Variants in HVCN1 observed in about 807,000 individuals in gnomAD.
HVCN1 encodes the protein hydrogen voltage gated channel 1, also known as voltage-gated hydrogen channel 1.
A neutral mutation model predicts 29.2 loss-of-function variants in HVCN1; 14 were observed. That is an observed-to-expected ratio of 0.48 (90% confidence interval 0.32 to 0.75). The LOEUF is 0.75. HVCN1 is among the 30% of genes least tolerant of loss of function. The probability of loss-of-function intolerance (pLI) is 0.04; values close to 1 mark genes in which losing one functional copy is unlikely to be tolerated. For synonymous variants in HVCN1, 131 were observed against 133.2 expected, an observed-to-expected ratio of 0.98 and a Z score of 0.11; for missense variants, 263 against 341.8, an observed-to-expected ratio of 0.77 and a Z score of 1.82.
At chr12:110,703,940 C>T (rs1276062086) in intron 1 of HVCN1, among the ~76,000 whole-genome samples, 3 of 152,220 alleles carry the variant, frequency 2.0e-5, no homozygotes, top group African/African-American at 7.2e-5. Context: ...CCACCTCGGC[C>T]TCCCAAAGTA....
chr12:110,704,185 C>T (rs1263243528), intron 1 of HVCN1, among the ~76,000 whole-genome samples: 2 of 152,028 alleles, frequency 1.3e-5, no homozygotes, highest in African/African-American at 2.4e-5. Flanking sequence ...CCTAAAAGTC[C>T]GTCCATGGGG....
At chr12:110,673,321 T>C (rs1197725719) in intron 3 of HVCN1, among the ~76,000 whole-genome samples, 2 of 152,348 alleles carry the variant, frequency 1.3e-5, no homozygotes, top group East Asian at 1.9e-4. Context: ...TTAGGGTATC[T>C]GGCAGAAGAA....
At chr12:110,659,652 C>T (rs1324480537) in intron 4 of HVCN1, among the ~76,000 whole-genome samples, 1 of 152,194 alleles carries the variant, frequency 6.6e-6, no homozygotes, top group Non-Finnish European at 1.5e-5. Context: ...TGTATGGTGG[C>T]TCACGCCTGT....
intron 1 of HVCN1, 28 bp from the exon 2 acceptor site, chr12:110,688,736 C>G (rs1182147384): frequency 6.6e-6 from 1 of 152,400 alleles, no homozygotes; most frequent in Non-Finnish European, 1.5e-5. Flanking sequence ...ACGATGGTCA[C>G]CTGTGGCTGC....
Position 110,661,187 on chromosome 12 carries a change from G to A in HVCN1, c.283C>T (p.Leu95=), listed in dbSNP as rs1227815244. The part of the protein sequence containing the change: ...PLDFRGMLRK[L]FSSHRFQVII... ...ACCTGAAACCTGTGGGAGCTGAACA[G>A]TTTCCTCAACATGCCCCTGAAGTCA... Residue 95 remains leucine, a synonymous_variant, in exon 4 of 8, where the codon CTG becomes TTG. Coordinates refer to ENST00000242607, the MANE Select transcript of HVCN1 (RefSeq NM_032369.4). This position sits in a 1 kb window ranked among gnomAD's most constrained non-coding sequence, Gnocchi z 6.2. The A allele has an allele frequency of 1.9e-6, 3 of 1,610,670 alleles. No individual in the cohort carries two copies. The highest frequency in any genetic ancestry group is 2.5e-6 in the Non-Finnish European group (3 of 1,177,642).
At position 110,658,655 on chromosome 12, in the gene HVCN1, C is replaced by T. The variant is rs1054623889; in HGVS notation, c.306+2509G>A. On this transcript the variant is annotated intron_variant, in intron 4 of 7. Transcript: ENST00000242607. This position sits in a 1 kb window ranked among gnomAD's most constrained non-coding sequence, Gnocchi z 5.0. ...TGATCAGGTCCCCCCACCCCCAGGA[C>T]CTCTCAGAGCCCCCCTCCTCCCTGC... 2.0e-5 allele frequency among the ~76,000 whole-genome samples: 3 copies of T among 152,038 alleles called. No homozygotes were observed. Among genetic ancestry groups the T allele is most frequent in the African/African-American group, 7.2e-5 (3 of 41,384 alleles).
At chr12:110,659,439 C>G (rs1280372064) in intron 4 of HVCN1, among the ~76,000 whole-genome samples, 1 of 152,200 alleles carries the variant, frequency 6.6e-6, no homozygotes, top group Non-Finnish European at 1.5e-5. Flanking sequence ...GGGACACCTG[C>G]AATAGCATCC....
At position 110,680,728 on chromosome 12, in the gene HVCN1, C is replaced by T. The variant is rs558675330; in HGVS notation, c.21+2497G>A. 8.0e-4 allele frequency among the ~76,000 whole-genome samples: 122 copies of T among 152,108 alleles called. 1 individual carries two copies. The highest frequency in any genetic ancestry group is 7.5e-4 in the Non-Finnish European group (51 of 67,996). On this transcript the variant is annotated intron_variant, in intron 3 of 7. Transcript: ENST00000242607. The stretch of plus-strand genomic sequence containing the variant: ...GGCCAGGAGTTCGAGACCAGCCTGG[C>T]CAATATGGAGAAACCCTGTCTCTAC...
chr12:110,652,740 G>T (rs1295620792), intron 5 of HVCN1, among the ~76,000 whole-genome samples: 1 of 152,196 alleles, frequency 6.6e-6, no homozygotes, highest in Non-Finnish European at 1.5e-5. Context: ...TAGAAGGAAA[G>T]ACAGAAAATC....
chr12:110,691,172 C>T (rs1032367631), upstream of HVCN1, among the ~76,000 whole-genome samples: 2 of 152,158 alleles, frequency 1.3e-5, no homozygotes, highest in Non-Finnish European at 2.9e-5. Flanking sequence ...ATGCCATTCT[C>T]CTGCCCCAGC....
chr12:110,680,772 CA>C (rs1279099897), intron 3 of HVCN1, among the ~76,000 whole-genome samples: 4 of 151,658 alleles, frequency 2.6e-5, no homozygotes, highest in East Asian at 1.9e-4. Context: ...CAAAACAAAA[CA>C]AAAAAAACTA....
chr12:110,702,718 A>C (rs1199785483), intron 1 of HVCN1, among the ~76,000 whole-genome samples: 2 of 138,990 alleles, frequency 1.4e-5, no homozygotes, highest in African/African-American at 5.5e-5. Flanking sequence ...GCAATGGCAC[A>C]ATCTTGGCTC....
chr12:110,700,557 T>C (rs978042474), intron 2 of HVCN1, among the ~76,000 whole-genome samples: 5 of 152,190 alleles, frequency 3.3e-5, no homozygotes, highest in Non-Finnish European at 5.9e-5. Flanking sequence ...TCACTTTCTG[T>C]GAGGCAACTC....
In HVCN1 at chr12:110,649,412, A is replaced by G. The variant is rs1230424233; in HGVS notation, c.820T>C (p.Ter274GlnextTer79). The change falls in exon 8 of 8, where the codon TAG becomes CAG. Residue 274 changes from the stop codon to glutamine (Q), a stop_lost. Coordinates refer to ENST00000242607, the MANE Select transcript of HVCN1 (RefSeq NM_032369.4). ...RQHGLLGEVN[*>Q] ...TTTTGAGGGGAGCTGGTCCGGGTCT[A>G]GTTCACTTCACCAAGAAGTCCATGC... The G allele has an allele frequency of 6.2e-7, 1 of 1,607,500 alleles. No homozygotes were observed. Among genetic ancestry groups the G allele is most frequent in the African/African-American group, 1.3e-5 (1 of 74,856 alleles).
In HVCN1 at chr12:110,648,858, G is replaced by C. The variant is rs917566602; in HGVS notation, c.*552C>G. 1 of 374,458 alleles carries C rather than the reference G, an allele frequency of 2.7e-6. No individual in the cohort carries two copies. Among genetic ancestry groups the C allele is most frequent in the Admixed American group, 4.1e-5 (1 of 24,542 alleles). The allele number at this position is 374,458 out of a possible 1,614,324, so 23.2% of individuals were successfully genotyped here. ...AGTTGTACAGTAATTGAGGAAAAAT[G>C]TTGTCAGGTGGCAGAAAACAATGGA... On this transcript the variant is annotated 3_prime_UTR_variant, in exon 8 of 8. Coordinates refer to ENST00000242607, the MANE Select transcript of HVCN1 (RefSeq NM_032369.4).
chr12:110,697,652 T>C (rs1025944704), intron 2 of HVCN1, among the ~76,000 whole-genome samples: 3 of 149,252 alleles, frequency 2.0e-5, no homozygotes, highest in Admixed American at 1.3e-4. Context: ...GAAGCATCTT[T>C]TTTTTTTTTT....
At chr12:110,689,470 C>G (rs1390383442), upstream of HVCN1, 2 of 152,262 alleles carry the variant, frequency 1.3e-5, no homozygotes, top group Admixed American at 6.5e-5. This position sits in a 1 kb window ranked among gnomAD's most constrained non-coding sequence, Gnocchi z 5.7. Flanking sequence ...TTCCTTCCTC[C>G]GCCGGCTGGA....
chr12:110,665,750 T>G (rs1026390493), intron 3 of HVCN1, among the ~76,000 whole-genome samples: 1 of 152,056 alleles, frequency 6.6e-6, no homozygotes, highest in African/African-American at 2.4e-5. Context: ...CTCACTCATG[T>G]AATCCCATCA....
intron 2 of HVCN1, among the ~76,000 whole-genome samples, chr12:110,683,626 G>T (rs1170739978): frequency 1.3e-5 from 2 of 152,090 alleles, no homozygotes; most frequent in African/African-American, 2.4e-5. Context: ...AGAAATGAAG[G>T]GGGCCAGGTG....
Sources: gnomAD v4.1 joint callset for allele counts (sites outside exome capture counted in the v4.1 genomes callset) on GRCh38, gnomAD v4.1.1 for gene constraint, Gnocchi (gnomAD v3.1) non-coding constraint, MANE v1.5 for transcripts, NCBI Gene and HGNC (gene_info 2026-07-23, HGNC 2026-07-21) for gene names.